The following HSD17B12 variants were observed in gnomAD, a reference collection of about 807,000 sequenced individuals.
HSD17B12 encodes hydroxysteroid 17-beta dehydrogenase 12.
A neutral mutation model predicts 39.3 loss-of-function variants in HSD17B12; 32 were observed. The observed-to-expected ratio is 0.81, with a 90% CI of 0.61 to 1.09. HSD17B12 has a LOEUF of 1.09. Ranked by LOEUF, HSD17B12 falls within the 50% of genes least tolerant of loss-of-function variation. The pLI, the probability that HSD17B12 is intolerant of heterozygous loss-of-function variation, is 0.00. For synonymous variants in HSD17B12, 150 were observed against 146.7 expected, an observed-to-expected ratio of 1.02 and a Z score of -0.16; for missense variants, 342 against 382.9, an observed-to-expected ratio of 0.89 and a Z score of 0.89.
At chr11:43,751,692 A>G (rs907467946) in intron 2 of HSD17B12, among the ~76,000 whole-genome samples, 2 of 152,248 alleles carry the variant, frequency 1.3e-5, no homozygotes, top group Admixed American at 1.3e-4. Context: ...TTGCAAGAAT[A>G]TAACAAACAC....
chr11:43,589,028 T>C, the HSD17B12 span, among the ~76,000 whole-genome samples: 1 of 151,846 alleles, frequency 6.6e-6, no homozygotes, highest in Non-Finnish European at 1.5e-5. Context: ...GAAAAAGCAA[T>C]TCACCTAGGA....
At chr11:43,677,219 A>T (rs1648015086), upstream of HSD17B12, among the ~76,000 whole-genome samples, 1 of 152,192 alleles carries the variant, frequency 6.6e-6, no homozygotes, top group South Asian at 2.1e-4. Context: ...ATTGAATCTT[A>T]TCAAACTATG....
the HSD17B12 span, among the ~76,000 whole-genome samples, chr11:43,634,289 G>A: frequency 6.6e-6 from 1 of 151,888 alleles, no homozygotes; most frequent in African/African-American, 2.4e-5. Context: ...GGCTGAGCAT[G>A]ACTTAAAATT....
chr11:43,743,310 A>G (rs942370163), intron 1 of HSD17B12, among the ~76,000 whole-genome samples: 1 of 152,184 alleles, frequency 6.6e-6, no homozygotes, highest in Non-Finnish European at 1.5e-5. Context: ...AGAATAAGAA[A>G]TGGAAAGCTC....
the HSD17B12 span, among the ~76,000 whole-genome samples, chr11:43,590,506 A>ATTTTTTT: frequency 2.1e-3 from 109 of 51,608 alleles, 29 homozygotes; most frequent in East Asian, 0.01. Flanking sequence ...GGAGTGAGTG[A>ATTTTTTT]TTTTTTTTTT....
the HSD17B12 span, among the ~76,000 whole-genome samples, chr11:43,578,204 T>C: frequency 7.4e-3 from 1,131 of 152,324 alleles, 17 homozygotes; most frequent in African/African-American, 0.026. Flanking sequence ...TATATGTTTA[T>C]TAAAAAATAT....
At chr11:43,820,760 T>C (rs1466666964) in intron 6 of HSD17B12, among the ~76,000 whole-genome samples, 1 of 152,194 alleles carries the variant, frequency 6.6e-6, no homozygotes, top group African/African-American at 2.4e-5. Flanking sequence ...CCAGGAGAGA[T>C]TGGTGAAATC....
chr11:43,687,610 G>A (rs535772420), intron 1 of HSD17B12, among the ~76,000 whole-genome samples: 24 of 152,322 alleles, frequency 1.6e-4, no homozygotes, highest in Non-Finnish European at 2.9e-4. Context: ...CCTAGGGCAG[G>A]AAAGGGCAGG....
the HSD17B12 span, among the ~76,000 whole-genome samples, chr11:43,619,248 A>C: frequency 5.3e-3 from 236 of 44,720 alleles, 7 homozygotes; most frequent in African/African-American, 0.014. Context: ...TATATAAAAT[A>C]TATATATATA....
chr11:43,661,877 A>G, the HSD17B12 span, among the ~76,000 whole-genome samples: 3 of 152,236 alleles, frequency 2.0e-5, no homozygotes, highest in Non-Finnish European at 4.4e-5. Context: ...GTAGAATATA[A>G]TATACACTCT....
chr11:43,731,914 C>T (rs6485454), intron 1 of HSD17B12, among the ~76,000 whole-genome samples: 2,060 of 152,246 alleles, frequency 0.014, 28 homozygotes, highest in East Asian at 0.044. Flanking sequence ...GATCTTCTGA[C>T]ATCAAAAGAT....
At chr11:43,681,571 G>A (rs902850861) in intron 1 of HSD17B12, among the ~76,000 whole-genome samples, 6 of 152,048 alleles carry the variant, frequency 3.9e-5, no homozygotes, top group Non-Finnish European at 4.4e-5. Context: ...CAATTACAAA[G>A]CCCCTTTAAA....
chr11:43,814,599 C>G (rs1951103819), intron 4 of HSD17B12, among the ~76,000 whole-genome samples: 1 of 151,988 alleles, frequency 6.6e-6, no homozygotes, highest in African/African-American at 2.4e-5. Flanking sequence ...TGTCAATTGT[C>G]TTGTAGCCCC....
chr11:43,664,666 G>C, the HSD17B12 span, among the ~76,000 whole-genome samples: 1 of 152,194 alleles, frequency 6.6e-6, no homozygotes, highest in Non-Finnish European at 1.5e-5. Context: ...TAGGAGCCTG[G>C]AACTTCCCTT....
chr11:43,708,348 T>C (rs1950034229), intron 1 of HSD17B12, among the ~76,000 whole-genome samples: 1 of 152,196 alleles, frequency 6.6e-6, no homozygotes, highest in South Asian at 2.1e-4. Context: ...ATTTATTGAC[T>C]TTATCTAGAA....
At chr11:43,767,251 G>C (rs886231045) in intron 3 of HSD17B12, among the ~76,000 whole-genome samples, 1 of 151,916 alleles carries the variant, frequency 6.6e-6, no homozygotes, top group African/African-American at 2.4e-5. Context: ...GGACCAAGGT[G>C]TTATTAAATG....
At chr11:43,756,063 G>T (rs1010072349) in intron 3 of HSD17B12, among the ~76,000 whole-genome samples, 49 of 152,168 alleles carry the variant, frequency 3.2e-4, no homozygotes, top group Non-Finnish European at 6.2e-4. Flanking sequence ...AGTATGGGGG[G>T]AACCGCCCCC....
intron 9 of HSD17B12, among the ~76,000 whole-genome samples, chr11:43,842,324 G>C (rs751801581): frequency 2.6e-5 from 4 of 152,146 alleles, no homozygotes; most frequent in African/African-American, 7.2e-5. Flanking sequence ...TGAAAGGAAG[G>C]GGGGATGACT....
chr11:43,563,877 G>T, the HSD17B12 span, among the ~76,000 whole-genome samples: 8 of 152,002 alleles, frequency 5.3e-5, no homozygotes, highest in Non-Finnish European at 8.8e-5. Context: ...TTAGTGAGAA[G>T]AACAGCCTTC....
Sources: gnomAD v4.1 joint callset for allele counts (sites outside exome capture counted in the v4.1 genomes callset) on GRCh38, gnomAD v4.1.1 for gene constraint, MANE v1.5 for transcripts, NCBI Gene and HGNC (gene_info 2026-07-23, HGNC 2026-07-21) for gene names.